Variants in ZNF471 observed in about 807,000 individuals in gnomAD.
The protein encoded by ZNF471 is EZFIT-related protein 1.
Under a neutral mutation model 13.7 loss-of-function variants are expected in ZNF471, and 7 were observed. That is an observed-to-expected ratio of 0.51 (90% CI 0.29 to 0.96). The LOEUF (loss-of-function observed/expected upper bound fraction) is 0.96. Ranked by LOEUF, ZNF471 falls within the 40% of genes least tolerant of loss-of-function variation. The pLI is 0.08. For synonymous variants in ZNF471, 218 were observed against 235.6 expected (o/e 0.93, Z 0.68); for missense variants, 663 against 743.3 (o/e 0.89, Z 1.26).
rs1292935220 is a variant in ZNF471, at chr19:56,522,070, C to T, written c.257-2254C>T. ...TAGTATTCAGTGGTAACATGTTGTGCAGGCTTGTAGACCAGGAGCAGTAGG... is the reference window on the plus strand; with the variant it reads ...TAGTATTCAGTGGTAACATGTTGTGTAGGCTTGTAGACCAGGAGCAGTAGG... On this transcript the variant is annotated intron_variant, in intron 4 of 4. Transcript: ENST00000308031. This position sits in a 1 kb window ranked among gnomAD's most constrained non-coding sequence, Gnocchi z 4.1. Among the ~76,000 whole-genome samples the T allele has an allele frequency of 1.3e-5, 2 of 152,308 alleles. No individual in the cohort carries two copies. Among genetic ancestry groups the T allele is most frequent in the Non-Finnish European group, 2.9e-5 (2 of 68,034 alleles).
chr19:56,512,311 T>A (rs1310211809), intron 2 of ZNF471, among the ~76,000 whole-genome samples: 2 of 151,610 alleles, frequency 1.3e-5, no homozygotes, highest in Non-Finnish European at 2.9e-5. Context: ...TTGATGAAAT[T>A]TTTGTCTACC....
chr19:56,507,943 G>T (rs2043753998), intron 1 of ZNF471, 23 bp downstream of exon 1: 1 of 985,910 alleles, frequency 1.0e-6, no homozygotes, highest in Non-Finnish European at 1.2e-6. Context: ...TGGTTTGGGA[G>T]TCCGAGCTCG....
At chr19:56,521,679 G>A (rs2147923496) in intron 4 of ZNF471, among the ~76,000 whole-genome samples, 1 of 150,472 alleles carries the variant, frequency 6.6e-6, no homozygotes, top group South Asian at 2.1e-4. Context: ...TGCTGGGCAT[G>A]GTAGCTCACA....
chr19:56,509,503 G>A (rs554082840), intron 1 of ZNF471, among the ~76,000 whole-genome samples: 39 of 152,324 alleles, frequency 2.6e-4, no homozygotes, highest in African/African-American at 9.4e-4. Context: ...TAGCTAGTCA[G>A]AAGCACAAGT....
At position 56,510,831 on chromosome 19, in the gene ZNF471, GAAGC is replaced by G. The variant is rs1268229121; in HGVS notation, c.-55-683_-55-680del. 36 of 985,350 alleles carry G rather than the reference GAAGC, an allele frequency of 3.7e-5. No homozygotes were observed. Among genetic ancestry groups the G allele is most frequent in the Non-Finnish European group, 4.1e-5 (34 of 829,978 alleles). The allele number at this position is 985,350 out of a possible 1,614,324, so 61.0% of individuals were successfully genotyped here. ...GTCCCCAGTCCAAGGGTTTCAGTAA[GAAGC>G]AAAGCTGGGGTGACTGAAGCTCCTA... On this transcript the variant is annotated intron_variant, in intron 1 of 4. Coordinates refer to ENST00000308031, the MANE Select transcript of ZNF471 (RefSeq NM_020813.4). The surrounding 1 kb of genome is among the most constrained non-coding windows in gnomAD (Gnocchi z 4.3).
chr19:56,519,964 C>A (rs1280823780), intron 4 of ZNF471, among the ~76,000 whole-genome samples: 1 of 152,212 alleles, frequency 6.6e-6, no homozygotes, highest in Non-Finnish European at 1.5e-5. Flanking sequence ...TCTAGCTTTT[C>A]AGATCTGTTG....
Position 56,507,857 on chromosome 19 carries a change from G to GGA in ZNF471, c.-118_-117insAG. 9 of 985,662 alleles carry GGA rather than the reference G, an allele frequency of 9.1e-6. No individual in the cohort carries two copies. The highest frequency in any genetic ancestry group is 1.1e-5 in the Non-Finnish European group (9 of 830,110). The allele number at this position is 985,662 out of a possible 1,614,324, so 61.1% of individuals were successfully genotyped here. A position where few individuals can be genotyped will look rare whatever the true frequency, so the allele number is the denominator to read the frequency against. ...AGAGGCTGGCGCCTGCGCGATGGGG[G>GGA]GTTCCAGCGTCGACTCACGGAGTCC... is the stretch of plus-strand genomic sequence containing the variant. On this transcript the variant is annotated 5_prime_UTR_variant, in exon 1 of 5. Coordinates refer to ENST00000308031, the MANE Select transcript of ZNF471 (RefSeq NM_020813.4).
chr19:56,508,083 G>C lies in ZNF471; in HGVS notation c.-56+163G>C, dbSNP rs1376029674. 3 of 985,026 alleles carry C rather than the reference G, an allele frequency of 3.0e-6. No homozygotes were observed. The highest frequency in any genetic ancestry group is 3.6e-6 in the Non-Finnish European group (3 of 829,664). The allele number at this position is 985,026 out of a possible 1,614,324, so 61.0% of individuals were successfully genotyped here. On this transcript the variant is annotated intron_variant, in intron 1 of 4. Coordinates refer to ENST00000308031, the MANE Select transcript of ZNF471 (RefSeq NM_020813.4). This position sits in a 1 kb window ranked among gnomAD's most constrained non-coding sequence, Gnocchi z 4.7. ...GCGGGGCGCGCGTACTCGAGTCTGC[G>C]GGGCGGAGGCCGCGGCTCGGGGCTG...
Position 56,525,620 on chromosome 19 carries a change from T to A in ZNF471, c.1553T>A (p.Ile518Asn). ...IHTGEKPYEC[I>N]ECGNAFKQRS... ...ACTGGAGAGAAGCCTTATGAATGTA[T>A]TGAATGTGGAAATGCTTTCAAACAG... Residue 518 changes from isoleucine to asparagine, a missense_variant, in exon 5 of 5, where the codon ATT (isoleucine) becomes AAT (asparagine). By Grantham distance (149) the Ile-to-Asn change is moderately radical (BLOSUM62 -3). Transcript: ENST00000308031. 6.2e-7 allele frequency: 1 copy of A among 1,614,030 alleles called. No individual in the cohort carries two copies. The highest frequency in any genetic ancestry group is 8.5e-7 in the Non-Finnish European group (1 of 1,180,004).
At position 56,516,328 on chromosome 19, in the gene ZNF471, A is replaced by G. The variant is rs754853399; in HGVS notation, c.87A>G (p.Gln29=). ...TAGATTTTTCCCAGGAAGAATGGCA[A>G]TGGATGAACCCTGCTCAGAAGCGTT... ...VAIDFSQEEW[Q]WMNPAQKRLY... The change falls in exon 3 of 5, where the codon CAA becomes CAG. Residue 29 remains glutamine, a synonymous_variant. Coordinates refer to ENST00000308031, the MANE Select transcript of ZNF471 (RefSeq NM_020813.4). The surrounding 1 kb of genome is among the most constrained non-coding windows in gnomAD (Gnocchi z 4.4). 1.9e-6 allele frequency: 3 copies of G among 1,613,936 alleles called. No homozygotes were observed. The highest frequency in any genetic ancestry group is 3.3e-5 in the Admixed American group (2 of 60,022).
rs771801449 is a variant in ZNF471 at position 56,511,579 on chromosome 19, T to C, written c.8T>C (p.Val3Ala). The C allele has an allele frequency of 4.3e-6, 7 of 1,613,924 alleles. No individual in the cohort carries two copies. Among genetic ancestry groups the C allele is most frequent in the Admixed American group, 1.7e-5 (1 of 59,996 alleles). The change falls in exon 2 of 5, where the codon GTT becomes GCT. Residue 3 changes from valine to alanine, a missense_variant. Transcript: ENST00000308031. MN[V>A]EVVKVMPQDL... ...CCAGAAGAGAAGGCAAAAATGAATG[T>C]TGAAGTAGTAAAAGTCATGCCCCAG...
At chr19:56,513,277 G>A (rs1177543597) in intron 2 of ZNF471, among the ~76,000 whole-genome samples, 1 of 152,210 alleles carries the variant, frequency 6.6e-6, no homozygotes, top group Non-Finnish European at 1.5e-5. Flanking sequence ...TAAAGATGCA[G>A]TCCATTAACC....
At chr19:56,517,566 A>C (rs1169739653) in intron 3 of ZNF471, among the ~76,000 whole-genome samples, 2 of 152,042 alleles carry the variant, frequency 1.3e-5, no homozygotes, top group African/African-American at 2.4e-5. Context: ...CAGCCTCCCA[A>C]AGTGCTGGGA....
At chr19:56,514,695 GTTAAC>G (rs995540200) in intron 2 of ZNF471, among the ~76,000 whole-genome samples, 6 of 152,068 alleles carry the variant, frequency 3.9e-5, no homozygotes, top group African/African-American at 1.2e-4. Context: ...GTTAATAGAT[GTTAAC>G]TTAATTAACT....
rs1600505531 is a variant in ZNF471 at position 56,511,480 on chromosome 19, C to G, written c.-55-37C>G. 2.7e-6 allele frequency: 4 copies of G among 1,504,076 alleles called. No homozygotes were observed. The East Asian group carries it at 7.0e-5, about 26-fold the overall frequency. 93.2% of individuals were successfully genotyped at this position (1,504,076 alleles called of 1,614,324 possible). The stretch of plus-strand genomic sequence containing the variant: ...TAGTGATTCTGGGAGTGCAGCATCT[C>G]TGGCCTCATCTCTCTCTAACCTTTC... On this transcript the variant is annotated intron_variant, in intron 1 of 4. Coordinates refer to ENST00000308031, the MANE Select transcript of ZNF471 (RefSeq NM_020813.4).
intron 2 of ZNF471, among the ~76,000 whole-genome samples, chr19:56,515,738 A>C (rs2043876890): frequency 6.6e-6 from 1 of 152,236 alleles, no homozygotes; most frequent in Non-Finnish European, 1.5e-5. Flanking sequence ...ACTGGTCATT[A>C]ATTTTTCTCT....
Position 56,525,995 on chromosome 19 carries a change from C to T in ZNF471, c.*47C>T. ...GCCTTTAGTTATCACCAATCCCCTA[C>T]TGTTAATCAGAGATGTCCCACTGGA... On this transcript the variant is annotated 3_prime_UTR_variant, in exon 5 of 5. Transcript: ENST00000308031. The T allele has an allele frequency of 6.7e-7, 1 of 1,482,004 alleles. No individual in the cohort carries two copies. Among genetic ancestry groups the T allele is most frequent in the Admixed American group, 2.3e-5 (1 of 43,186 alleles). The allele number at this position is 1,482,004 out of a possible 1,614,324, so 91.8% of individuals were successfully genotyped here.
rs774011402 is a variant in ZNF471 at position 56,525,205 on chromosome 19, T to G, written c.1138T>G (p.Cys380Gly). The change falls in exon 5 of 5, where the codon TGT (cysteine) becomes GGT (glycine). Residue 380 changes from cysteine to glycine, a missense_variant. Transcript: ENST00000308031. ...AGAGAAGCCTTTTAATTGCATTGAT[T>G]GTGGGAAAGCCTTCAGTGTTCACAT... ...TGEKPFNCIDCGKAFSVHIGL... is the reference protein window; with the variant it reads ...TGEKPFNCIDGGKAFSVHIGL... The G allele has an allele frequency of 6.2e-7, 1 of 1,614,142 alleles. No individual in the cohort carries two copies. Among genetic ancestry groups the G allele is most frequent in the Admixed American group, 1.7e-5 (1 of 60,026 alleles).
Position 56,508,786 on chromosome 19 carries a change from T to C in ZNF471, c.-56+866T>C, listed in dbSNP as rs549827424. Among the ~76,000 whole-genome samples, 8 of 151,006 alleles carry C rather than the reference T, an allele frequency of 5.3e-5. No homozygotes were observed. Among genetic ancestry groups the C allele is most frequent in the South Asian group, 2.1e-4 (1 of 4,752 alleles). On this transcript the variant is annotated intron_variant, in intron 1 of 4. Coordinates refer to ENST00000308031, the MANE Select transcript of ZNF471 (RefSeq NM_020813.4). The surrounding 1 kb of genome is among the most constrained non-coding windows in gnomAD (Gnocchi z 4.7). ...GAGACCAGAGTGTGAGACCAGGGTGTGTTCGTGTGTGAGAGACAACATAGC... is the reference window on the plus strand; with the variant it reads ...GAGACCAGAGTGTGAGACCAGGGTGCGTTCGTGTGTGAGAGACAACATAGC...
Sources: gnomAD v4.1 joint callset for allele counts (sites outside exome capture counted in the v4.1 genomes callset) on GRCh38, gnomAD v4.1.1 for gene constraint, Gnocchi (gnomAD v3.1) non-coding constraint, MANE v1.5 for transcripts, NCBI Gene and HGNC (gene_info 2026-07-23, HGNC 2026-07-21) for gene names.